Variants in RGS6 observed in about 807,000 individuals in gnomAD.
RGS6 encodes regulator of G protein signaling 6.
RGS6 carries 30 observed loss-of-function variants against 78.5 expected under a neutral mutation model. That is an observed-to-expected ratio of 0.38 (90% confidence interval 0.29 to 0.52). The LOEUF is 0.52. Among genes scored for constraint, RGS6 ranks in the 20% least tolerant of loss-of-function variants. RGS6 has a pLI of 0.85. For missense variants in RGS6, 495 were observed against 609.7 expected (o/e 0.81, Z 1.98); for synonymous variants, 206 against 206.0 (o/e 1.00, Z 0.00).
At chr14:72,152,345 A>G (rs1405451180) in intron 2 of RGS6, among the ~76,000 whole-genome samples, 3 of 152,082 alleles carry the variant, frequency 2.0e-5, no homozygotes, top group Admixed American at 1.3e-4. Flanking sequence ...TTTCAACGCA[A>G]CAGAAAGTGG....
At chr14:72,571,371 G>C (rs12323891), downstream of RGS6, among the ~76,000 whole-genome samples, 1,960 of 152,272 alleles carry the variant, frequency 0.013, 45 homozygotes, top group African/African-American at 0.045. Context: ...CAGCCTTGCT[G>C]TGTGTGCTGA....
At chr14:71,994,607 T>C (rs1268471176) in intron 2 of RGS6, among the ~76,000 whole-genome samples, 2 of 151,806 alleles carry the variant, frequency 1.3e-5, no homozygotes, top group African/African-American at 4.8e-5. Context: ...TTGTTGCAGA[T>C]GTAATTAGTA....
At chr14:72,483,236 T>C (rs2096417541) in intron 12 of RGS6, among the ~76,000 whole-genome samples, 1 of 152,158 alleles carries the variant, frequency 6.6e-6, no homozygotes, top group Non-Finnish European at 1.5e-5. Context: ...TCCCGACCCA[T>C]AGCGAGCTTA....
At chr14:72,056,233 AC>A (rs2093613597) in intron 2 of RGS6, among the ~76,000 whole-genome samples, 1 of 152,216 alleles carries the variant, frequency 6.6e-6, no homozygotes, top group South Asian at 2.1e-4. Context: ...GCGCCGTGTC[AC>A]AGAGCTCCCT....
intron 2 of RGS6, among the ~76,000 whole-genome samples, chr14:71,994,978 A>C (rs187041201): frequency 1.3e-3 from 203 of 152,214 alleles, no homozygotes; most frequent in Middle Eastern, 3.4e-3. Flanking sequence ...GTTTCAGATG[A>C]CCCTGTCCTA....
At chr14:71,969,019 C>A (rs2093668791) in intron 2 of RGS6, among the ~76,000 whole-genome samples, 1 of 152,280 alleles carries the variant, frequency 6.6e-6, no homozygotes, top group African/African-American at 2.4e-5. Context: ...GTTCCCCTTC[C>A]TGTGTCCAAG....
intron 2 of RGS6, among the ~76,000 whole-genome samples, chr14:72,128,854 A>AGACACACAGC (rs1229572687): frequency 1.3e-5 from 2 of 152,190 alleles, no homozygotes. Context: ...GTACGCACAG[A>AGACACACAGC]GACACACAGC....
At chr14:72,600,989 AGAGGAGGAGGAGGGGGGAGAG>A in the RGS6 span, among the ~76,000 whole-genome samples, 3 of 134,790 alleles carry the variant, frequency 2.2e-5, no homozygotes, top group East Asian at 8.3e-4. Flanking sequence ...AGGGAGAGGA[AGAGGAGGAGGAGGGGGGAGAG>A]GAGGAGGAGG....
At chr14:72,215,856 G>C (rs2045434755) in intron 2 of RGS6, among the ~76,000 whole-genome samples, 1 of 152,188 alleles carries the variant, frequency 6.6e-6, no homozygotes, top group Admixed American at 6.5e-5. Context: ...AGATATTTAA[G>C]AATGTTAGCA....
At chr14:72,555,568 C>T (rs1023927188) in intron 17 of RGS6, among the ~76,000 whole-genome samples, 1 of 152,226 alleles carries the variant, frequency 6.6e-6, no homozygotes, top group Non-Finnish European at 1.5e-5. Flanking sequence ...ACAGGGGACT[C>T]CTTCATCCCT....
At chr14:71,902,780 C>T in the RGS6 span, among the ~76,000 whole-genome samples, 11 of 151,920 alleles carry the variant, frequency 7.2e-5, no homozygotes, top group Non-Finnish European at 1.0e-4. Context: ...GATCCTTCAC[C>T]GAGACTAAAT....
At chr14:72,314,403 T>C (rs1002822449) in intron 2 of RGS6, among the ~76,000 whole-genome samples, 1 of 152,216 alleles carries the variant, frequency 6.6e-6, no homozygotes, top group Non-Finnish European at 1.5e-5. Flanking sequence ...TGTTGTCTTT[T>C]CTTGGGAAAG....
At chr14:72,417,002 C>T (rs576608663) in intron 3 of RGS6, among the ~76,000 whole-genome samples, 1 of 152,298 alleles carries the variant, frequency 6.6e-6, no homozygotes, top group East Asian at 1.9e-4. Context: ...CACTGCATCA[C>T]GACTGCTACT....
chr14:72,439,248 A>G (rs2095080223), intron 3 of RGS6, among the ~76,000 whole-genome samples: 1 of 152,184 alleles, frequency 6.6e-6, no homozygotes, highest in South Asian at 2.1e-4. Flanking sequence ...TTTCTGTCTC[A>G]TTCCCCACTT....
the RGS6 span, among the ~76,000 whole-genome samples, chr14:72,582,924 C>T: frequency 6.8e-6 from 1 of 147,634 alleles, no homozygotes; most frequent in South Asian, 2.1e-4. Context: ...AAGAGATTGG[C>T]ATTTGAATGA....
chr14:71,996,935 G>T (rs1193900045), intron 2 of RGS6, among the ~76,000 whole-genome samples: 1 of 152,152 alleles, frequency 6.6e-6, no homozygotes, highest in Non-Finnish European at 1.5e-5. Flanking sequence ...TGGGGGCCTG[G>T]GCAGAGCTGA....
At chr14:71,912,423 T>G in the RGS6 span, among the ~76,000 whole-genome samples, 3 of 152,174 alleles carry the variant, frequency 2.0e-5, no homozygotes. Flanking sequence ...GTGTTCACAA[T>G]TTGCTGTAGA....
intron 2 of RGS6, among the ~76,000 whole-genome samples, chr14:72,234,599 G>T (rs2050509973): frequency 6.6e-6 from 1 of 152,046 alleles, no homozygotes; most frequent in African/African-American, 2.4e-5. Flanking sequence ...GATCGTCTTG[G>T]CTCCAGTGCC....
At chr14:72,380,012 C>T (rs2085651881) in intron 3 of RGS6, among the ~76,000 whole-genome samples, 2 of 151,978 alleles carry the variant, frequency 1.3e-5, no homozygotes, top group South Asian at 4.2e-4. Context: ...AATTAATCCA[C>T]ATATCTATAG....
Sources: gnomAD v4.1 joint callset for allele counts (sites outside exome capture counted in the v4.1 genomes callset) on GRCh38, gnomAD v4.1.1 for gene constraint, MANE v1.5 for transcripts, NCBI Gene and HGNC (gene_info 2026-07-23, HGNC 2026-07-21) for gene names.